The following TECRL variants were observed in gnomAD, a reference collection of about 807,000 sequenced individuals.
TECRL encodes trans-2,3-enoyl-CoA reductase-like.
TECRL carries 63 observed loss-of-function variants against 52.8 expected under a neutral mutation model. That is an observed-to-expected ratio of 1.19 (90% CI 0.97 to 1.47). The LOEUF is 1.47. TECRL is among the 40% of genes most tolerant of loss of function. The pLI, the probability that TECRL is intolerant of heterozygous loss-of-function variation, is 0.00. For missense variants in TECRL, 482 were observed against 429.6 expected (o/e 1.12, Z -1.08); for synonymous variants, 164 against 141.9 (o/e 1.16, Z -1.10).
intron 2 of TECRL, among the ~76,000 whole-genome samples, chr4:64,365,390 A>G (rs773373921): frequency 4.6e-5 from 7 of 152,114 alleles, no homozygotes; most frequent in Non-Finnish European, 1.0e-4. Context: ...CAGAGCAATT[A>G]GGCAAAATAA....
chr4:64,351,137 G>A (rs1423021532), intron 2 of TECRL, among the ~76,000 whole-genome samples: 1 of 149,874 alleles, frequency 6.7e-6, no homozygotes, highest in Admixed American at 6.8e-5. Flanking sequence ...AGGTTGAGAA[G>A]GGTGATTGGA....
intron 9 of TECRL, among the ~76,000 whole-genome samples, chr4:64,288,312 G>T (rs773952551): frequency 1.3e-5 from 2 of 152,006 alleles, no homozygotes; most frequent in East Asian, 3.9e-4. Flanking sequence ...CATAGTGACC[G>T]GCTATCAGAA....
intron 9 of TECRL, among the ~76,000 whole-genome samples, chr4:64,281,937 C>A (rs763738204): frequency 2.0e-5 from 3 of 151,740 alleles, no homozygotes; most frequent in Non-Finnish European, 4.4e-5. Flanking sequence ...CTTCACATTC[C>A]CCTTTACTAT....
chr4:64,362,865 A>G (rs75083760), intron 2 of TECRL, among the ~76,000 whole-genome samples: 1 of 152,272 alleles, frequency 6.6e-6, no homozygotes, highest in African/African-American at 2.4e-5. Flanking sequence ...CCTCAATGTA[A>G]ATGGTCTAAA....
intron 1 of TECRL, among the ~76,000 whole-genome samples, chr4:64,385,893 T>A (rs1723149182): frequency 1.3e-5 from 2 of 152,162 alleles, no homozygotes; most frequent in South Asian, 4.1e-4. Flanking sequence ...TTGCTTACCT[T>A]TTCCCCACAC....
intron 2 of TECRL, among the ~76,000 whole-genome samples, chr4:64,341,229 T>G (rs1719547723): frequency 6.6e-6 from 1 of 152,162 alleles, no homozygotes; most frequent in Non-Finnish European, 1.5e-5. Context: ...TCCACTTGTC[T>G]TCATACCTCA....
intron 2 of TECRL, among the ~76,000 whole-genome samples, chr4:64,369,844 A>AT (rs937223924): frequency 4.6e-5 from 7 of 151,982 alleles, no homozygotes; most frequent in African/African-American, 1.4e-4. Flanking sequence ...TATTAGTAGT[A>AT]TTATAAATGT....
intron 2 of TECRL, among the ~76,000 whole-genome samples, chr4:64,351,858 T>G (rs1552213): frequency 0.97 from 147,804 of 152,256 alleles, 71,780 homozygotes; most frequent in East Asian, 1. Context: ...TTAGTCTAAT[T>G]CAGTATAGAG....
intron 5 of TECRL, among the ~76,000 whole-genome samples, chr4:64,312,136 C>T (rs1416117293): frequency 1.3e-5 from 2 of 152,152 alleles, no homozygotes; most frequent in Non-Finnish European, 2.9e-5. Flanking sequence ...CTGCCTTCTA[C>T]ATGAACTTAG....
intron 1 of TECRL, among the ~76,000 whole-genome samples, chr4:64,377,282 A>G (rs539378180): frequency 2.6e-5 from 4 of 152,018 alleles, no homozygotes; most frequent in Non-Finnish European, 4.4e-5. Flanking sequence ...CATATATTCA[A>G]TTAGCCACAG....
At chr4:64,323,082 A>C (rs1475023770) in intron 3 of TECRL, among the ~76,000 whole-genome samples, 2 of 152,096 alleles carry the variant, frequency 1.3e-5, no homozygotes, top group African/African-American at 4.8e-5. Flanking sequence ...GACCTAAACA[A>C]ATAACATACA....
chr4:64,293,858 A>G (rs1723529102), intron 8 of TECRL, among the ~76,000 whole-genome samples: 1 of 151,736 alleles, frequency 6.6e-6, no homozygotes, highest in Admixed American at 6.6e-5. Flanking sequence ...CTGTGATCTC[A>G]TAATATTTTC....
intron 5 of TECRL, among the ~76,000 whole-genome samples, chr4:64,310,956 A>C (rs896942787): frequency 2.0e-5 from 3 of 152,184 alleles, no homozygotes; most frequent in African/African-American, 7.2e-5. Context: ...CTGGGCTCAC[A>C]TAATCAACTT....
At chr4:64,288,872 C>A (rs1434401709) in intron 9 of TECRL, among the ~76,000 whole-genome samples, 2 of 152,118 alleles carry the variant, frequency 1.3e-5, no homozygotes, top group East Asian at 3.9e-4. Flanking sequence ...GTCTGACTGC[C>A]CATCACACAA....
At chr4:64,317,580 T>C (rs1273375455) in intron 4 of TECRL, among the ~76,000 whole-genome samples, 1 of 152,222 alleles carries the variant, frequency 6.6e-6, no homozygotes, top group Non-Finnish European at 1.5e-5. Flanking sequence ...TTTGGGAGCA[T>C]TTATCACTTG....
intron 7 of TECRL, among the ~76,000 whole-genome samples, chr4:64,301,708 T>C (rs934027583): frequency 6.6e-6 from 1 of 151,236 alleles, no homozygotes; most frequent in African/African-American, 2.4e-5. Context: ...TAAGCTTTGA[T>C]TTATAAAAAT....
At chr4:64,343,158 A>C (rs115678805) in intron 2 of TECRL, among the ~76,000 whole-genome samples, 3,436 of 152,254 alleles carry the variant, frequency 0.023, 61 homozygotes, top group Middle Eastern at 0.044. Flanking sequence ...AACAAAGATA[A>C]AGGGAAATTA....
chr4:64,345,675 A>G (rs967086367), intron 2 of TECRL, among the ~76,000 whole-genome samples: 2 of 151,884 alleles, frequency 1.3e-5, no homozygotes, highest in South Asian at 2.1e-4. Context: ...TGTTGTGCAC[A>G]TGTACCCTAA....
chr4:64,344,450 A>G (rs1019593912), intron 2 of TECRL, among the ~76,000 whole-genome samples: 1 of 152,144 alleles, frequency 6.6e-6, no homozygotes, highest in African/African-American at 2.4e-5. Flanking sequence ...AATTTAGGAC[A>G]TTTTATATAA....
Sources: gnomAD v4.1 joint callset for allele counts (sites outside exome capture counted in the v4.1 genomes callset) on GRCh38, gnomAD v4.1.1 for gene constraint, MANE v1.5 for transcripts, NCBI Gene and HGNC (gene_info 2026-07-23, HGNC 2026-07-21) for gene names.